Variants in CFAP299 observed in about 807,000 individuals in gnomAD.
CFAP299 encodes cilia and flagella associated protein 299, also known as cilia- and flagella-associated protein 299.
CFAP299 carries 21 observed loss-of-function variants against 27.0 expected under a neutral mutation model. The observed-to-expected ratio is 0.78, with a 90% CI of 0.55 to 1.12. CFAP299 has a LOEUF of 1.12. Among genes scored for constraint, CFAP299 ranks in the 50% most tolerant of loss-of-function variants. The pLI is 0.00. For synonymous variants in CFAP299, 104 were observed against 98.1 expected, an observed-to-expected ratio of 1.06 and a Z score of -0.36; for missense variants, 310 against 276.6, an observed-to-expected ratio of 1.12 and a Z score of -0.86.
intron 3 of CFAP299, among the ~76,000 whole-genome samples, chr4:80,856,550 G>A (rs1205407325): frequency 3.5e-5 from 5 of 144,014 alleles, no homozygotes; most frequent in South Asian, 2.2e-4. Context: ...TAACGTTTAA[G>A]TCTTTAATCC....
chr4:80,938,284 G>C (rs531047246), intron 4 of CFAP299, among the ~76,000 whole-genome samples: 31 of 152,268 alleles, frequency 2.0e-4, no homozygotes, highest in African/African-American at 7.0e-4. Flanking sequence ...GTTTGTGATG[G>C]CCATGACACC....
In CFAP299 at chr4:80,448,123, T is replaced by A. The variant is rs1273844510; in HGVS notation, c.242+85239T>A. On this transcript the variant is annotated intron_variant, in intron 2 of 5. Transcript: ENST00000358105. ...CAGATTACCCCACTTCGTGGCAATATTGCAGACTTTATTTCTCCCCAGTCA... is the reference window on the plus strand; with the variant it reads ...CAGATTACCCCACTTCGTGGCAATAATGCAGACTTTATTTCTCCCCAGTCA... Among the ~76,000 whole-genome samples, 6 of 152,216 alleles carry A rather than the reference T, an allele frequency of 3.9e-5. No individual in the cohort carries two copies. In the East Asian group the frequency reaches 1.2e-3, roughly 29 times the overall value.
chr4:80,426,987 C>T (rs1727560190), intron 2 of CFAP299, among the ~76,000 whole-genome samples: 1 of 152,126 alleles, frequency 6.6e-6, no homozygotes. Flanking sequence ...AAATGTAGAT[C>T]TATAGGCTTA....
rs148473764 is a variant in CFAP299 at position 80,816,584 on chromosome 4, G to A, written c.334-53409G>A. On this transcript the variant is annotated intron_variant, in intron 3 of 5. Coordinates refer to ENST00000358105, the MANE Select transcript of CFAP299 (RefSeq NM_152770.3). ...AAATAAATGTATTGGAGTTTGGTTC[G>A]CATATCACTATTTTATAAATTGTGT... Among the ~76,000 whole-genome samples the A allele has an allele frequency of 2.9e-3, 438 of 152,106 alleles. 3 individuals carry two copies. The highest frequency in any genetic ancestry group is 0.01 in the Middle Eastern group (3 of 294).
At chr4:80,470,675 T>C (rs1201162677) in intron 2 of CFAP299, among the ~76,000 whole-genome samples, 1 of 152,174 alleles carries the variant, frequency 6.6e-6, no homozygotes, top group Non-Finnish European at 1.5e-5. Flanking sequence ...TCAGGATTAA[T>C]AGCATGACAT....
At chr4:80,945,180 T>G (rs568310862) in intron 5 of CFAP299, among the ~76,000 whole-genome samples, 1 of 152,326 alleles carries the variant, frequency 6.6e-6, no homozygotes, top group South Asian at 2.1e-4. Context: ...GTGGAAACAC[T>G]TCTCCATGCC....
At chr4:80,794,506 G>C (rs55893546) in intron 3 of CFAP299, among the ~76,000 whole-genome samples, 5,107 of 152,156 alleles carry the variant, frequency 0.034, 209 homozygotes, top group African/African-American at 0.1. Flanking sequence ...GCACTGTCAC[G>C]TAGTTGGCAT....
At chr4:80,362,317 T>C (rs1380780402) in intron 1 of CFAP299, among the ~76,000 whole-genome samples, 2 of 151,862 alleles carry the variant, frequency 1.3e-5, no homozygotes, top group Non-Finnish European at 2.9e-5. Context: ...TCTAAAACAA[T>C]GAGCTCTCTC....
rs1016832403 is a variant in CFAP299, at chr4:80,505,489, G to A, written c.243-77604G>A. ...TGTTTTGACATAACAACTGAAAAAA[G>A]GACTATTGTAGAAAATTATAGATGC... On this transcript the variant is annotated intron_variant, in intron 2 of 5. Transcript: ENST00000358105. 2.6e-4 allele frequency among the ~76,000 whole-genome samples: 19 copies of A among 72,650 alleles called. 1 individual carries two copies. In the South Asian group the frequency reaches 0.011, roughly 43 times the overall value. 47.7% of individuals were successfully genotyped at this position (72,650 alleles called of 152,430 possible).
intron 3 of CFAP299, among the ~76,000 whole-genome samples, chr4:80,868,897 T>TTC (rs71664822): frequency 0.03 from 4,286 of 141,170 alleles, 218 homozygotes; most frequent in African/African-American, 0.1. Flanking sequence ...GGGTGGGGGC[T>TTC]TCTCTCTCTG....
At chr4:80,655,363 C>T (rs191887695) in intron 3 of CFAP299, among the ~76,000 whole-genome samples, 1 of 152,130 alleles carries the variant, frequency 6.6e-6, no homozygotes, top group East Asian at 1.9e-4. Context: ...CTGCCGGATA[C>T]AATATGATGA....
the CFAP299 span, among the ~76,000 whole-genome samples, chr4:80,329,216 T>C: frequency 6.7e-6 from 1 of 148,438 alleles, no homozygotes; most frequent in South Asian, 2.1e-4. Context: ...TACATATATA[T>C]ATATATATAT....
chr4:80,962,917 T>C (rs918589670), intron 5 of CFAP299, among the ~76,000 whole-genome samples: 8 of 151,948 alleles, frequency 5.3e-5, no homozygotes, highest in Admixed American at 1.3e-4. Flanking sequence ...CATTAGCAAA[T>C]ACTTATTTCC....
intron 2 of CFAP299, among the ~76,000 whole-genome samples, chr4:80,578,115 G>T (rs1027017065): frequency 6.6e-6 from 1 of 152,160 alleles, no homozygotes; most frequent in South Asian, 2.1e-4. Context: ...GTGCAGTGGA[G>T]TATGAACAAT....
intron 3 of CFAP299, among the ~76,000 whole-genome samples, chr4:80,718,154 G>T (rs971812571): frequency 1.3e-5 from 2 of 152,020 alleles, no homozygotes; most frequent in Non-Finnish European, 2.9e-5. Flanking sequence ...AGGCTGTACA[G>T]AAATTTTGAG....
At chr4:80,786,933 A>G (rs919681432) in intron 3 of CFAP299, among the ~76,000 whole-genome samples, 2 of 152,050 alleles carry the variant, frequency 1.3e-5, no homozygotes, top group Non-Finnish European at 2.9e-5. Context: ...CCTGTTCAAA[A>G]TACATATACC....
At chr4:80,486,340 A>G (rs1730818075) in intron 2 of CFAP299, among the ~76,000 whole-genome samples, 1 of 152,172 alleles carries the variant, frequency 6.6e-6, no homozygotes, top group African/African-American at 2.4e-5. Flanking sequence ...TTTCTGAAAC[A>G]TGCTTCTGAG....
chr4:80,615,802 G>A (rs893462142), intron 3 of CFAP299, among the ~76,000 whole-genome samples: 15 of 152,136 alleles, frequency 9.9e-5, no homozygotes, highest in African/African-American at 3.6e-4. Context: ...ACCTCTGCAA[G>A]CCCTTTCAGA....
At chr4:80,890,389 A>C (rs1428319877) in intron 4 of CFAP299, among the ~76,000 whole-genome samples, 2 of 152,232 alleles carry the variant, frequency 1.3e-5, no homozygotes, top group Non-Finnish European at 2.9e-5. Flanking sequence ...AGCCACAAAT[A>C]AAAGAAAATA....
Sources: allele counts gnomAD v4.1 joint callset (sites outside exome capture counted in the v4.1 genomes callset), GRCh38; gene constraint gnomAD v4.1.1; transcripts MANE v1.5; gene names NCBI Gene and HGNC (gene_info 2026-07-23, HGNC 2026-07-21).